The following SLC4A8 variants were observed in gnomAD, a reference collection of about 807,000 sequenced individuals.
SLC4A8 encodes electroneutral sodium bicarbonate exchanger 1.
SLC4A8 carries 40 observed loss-of-function variants against 125.0 expected under a neutral mutation model. The ratio of observed to expected loss-of-function variants is 0.32; its 90% CI spans 0.25 to 0.42. SLC4A8 has a LOEUF of 0.42. SLC4A8 is among the 10% of genes least tolerant of loss of function. The pLI is 1.00. For missense variants in SLC4A8, 863 were observed against 1,355.1 expected (o/e 0.64, Z 5.70); for synonymous variants, 456 against 476.0 (o/e 0.96, Z 0.55).
chr12:51,507,259 C>T (rs563346559), intron 24 of SLC4A8, among the ~76,000 whole-genome samples, 167 bp from the exon 25 acceptor site: 25 of 152,136 alleles, frequency 1.6e-4, no homozygotes, highest in Non-Finnish European at 3.4e-4. Context: ...AGGCAGCTGT[C>T]GAAATGTATA....
At chr12:51,470,932 C>T (rs921277588) in intron 13 of SLC4A8, among the ~76,000 whole-genome samples, 2 of 150,994 alleles carry the variant, frequency 1.3e-5, no homozygotes, top group African/African-American at 4.9e-5. Flanking sequence ...CCCTAATTTT[C>T]CTATACAATC....
At chr12:51,432,999 C>A (rs1451591247) in intron 1 of SLC4A8, among the ~76,000 whole-genome samples, 1 of 152,148 alleles carries the variant, frequency 6.6e-6, no homozygotes, top group Non-Finnish European at 1.5e-5. Context: ...CAGAGAGGAG[C>A]CTCAGGGGAA....
At chr12:51,486,361 G>C (rs78642141) in intron 17 of SLC4A8, among the ~76,000 whole-genome samples, 12 of 152,268 alleles carry the variant, frequency 7.9e-5, no homozygotes, top group African/African-American at 2.9e-4. Flanking sequence ...TTCCTTGAAG[G>C]GGGAGAATGG....
Position 51,453,347 on chromosome 12 carries a change from A to G in SLC4A8, c.414-192A>G, listed in dbSNP as rs1039151343. On this transcript the variant is annotated intron_variant, in intron 4 of 24. Coordinates refer to ENST00000453097, the MANE Select transcript of SLC4A8 (RefSeq NM_001039960.3). Reference sequence around the variant, plus strand: ...TTTCTTTAAATAAGAATGGAATTAAACTATACTCAATCTTGCAGTGTTCTA... The same window carrying G: ...TTTCTTTAAATAAGAATGGAATTAAGCTATACTCAATCTTGCAGTGTTCTA... 4.6e-5 allele frequency among the ~76,000 whole-genome samples: 7 copies of G among 152,232 alleles called. No individual in the cohort carries two copies. In the South Asian group the frequency reaches 1.0e-3, roughly 22 times the overall value.
intron 2 of SLC4A8, among the ~76,000 whole-genome samples, chr12:51,447,505 G>A (rs1949810703): frequency 6.6e-6 from 1 of 152,090 alleles, no homozygotes; most frequent in Non-Finnish European, 1.5e-5. Flanking sequence ...CCAAGCCAGT[G>A]TCCAGAAAGC....
intron 22 of SLC4A8, among the ~76,000 whole-genome samples, chr12:51,502,570 G>A (rs1460297653): frequency 2.0e-5 from 3 of 150,826 alleles, no homozygotes; most frequent in Admixed American, 6.6e-5. Context: ...TCGCTCTGTC[G>A]CCCAGGCTGG....
intron 3 of SLC4A8, among the ~76,000 whole-genome samples, chr12:51,451,873 C>T (rs1332750370): frequency 6.6e-6 from 1 of 151,800 alleles, no homozygotes; most frequent in Non-Finnish European, 1.5e-5. Context: ...GAGAATTAGC[C>T]AATCTTTTTG....
Position 51,450,913 on chromosome 12 carries a change from T to C in SLC4A8, c.168T>C (p.Leu56=). ...RTLYVGVRMP[L]GRQSHRHHRT... ...TGTATGTGGGAGTTCGGATGCCGCTTGGCCGGCAGAGCCATCGGCATCACC... is the reference window on the plus strand; with the variant it reads ...TGTATGTGGGAGTTCGGATGCCGCTCGGCCGGCAGAGCCATCGGCATCACC... The change falls in exon 3 of 25, where the codon CTT becomes CTC. Residue 56 remains leucine (L), a synonymous_variant. Transcript: ENST00000453097. The C allele has an allele frequency of 6.2e-7, 1 of 1,612,670 alleles. No individual in the cohort carries two copies. The highest frequency in any genetic ancestry group is 2.2e-5 in the East Asian group (1 of 44,868).
intron 7 of SLC4A8, among the ~76,000 whole-genome samples, chr12:51,458,977 G>A (rs6580836): frequency 0.54 from 81,987 of 152,002 alleles, 22,251 homozygotes; most frequent in African/African-American, 0.58. Flanking sequence ...CTCACCCCCA[G>A]GGGTTTTGCC....
At chr12:51,487,893 C>T (rs1219545980) in intron 17 of SLC4A8, among the ~76,000 whole-genome samples, 1 of 152,256 alleles carries the variant, frequency 6.6e-6, no homozygotes, top group Non-Finnish European at 1.5e-5. Flanking sequence ...GCTGTAGACA[C>T]ACATTATGTG....
At chr12:51,473,019 G>T (rs917198755) in intron 14 of SLC4A8, among the ~76,000 whole-genome samples, 20 of 152,098 alleles carry the variant, frequency 1.3e-4, no homozygotes, top group African/African-American at 4.6e-4. Flanking sequence ...GGAGTGGTAA[G>T]TTTGTTACAA....
chr12:51,439,397 G>T (rs1047637202), intron 1 of SLC4A8, among the ~76,000 whole-genome samples: 1 of 152,050 alleles, frequency 6.6e-6, no homozygotes, highest in African/African-American at 2.4e-5. Context: ...TGCTATGAGG[G>T]TATATAAATG....
chr12:51,504,839 A>G (rs1217138726), intron 23 of SLC4A8, among the ~76,000 whole-genome samples: 1 of 152,154 alleles, frequency 6.6e-6, no homozygotes, highest in Non-Finnish European at 1.5e-5. Context: ...ACAGGAAGCT[A>G]AATTGGTCCA....
chr12:51,505,918 C>A lies in SLC4A8; in HGVS notation c.3257C>A (p.Ala1086Glu). The A allele has an allele frequency of 6.5e-7, 1 of 1,529,700 alleles. No homozygotes were observed. Among genetic ancestry groups the A allele is most frequent in the Non-Finnish European group, 9.0e-7 (1 of 1,107,266 alleles). 94.8% of individuals were successfully genotyped at this position (1,529,700 alleles called of 1,614,324 possible). A position where few individuals can be genotyped will look rare whatever the true frequency, so the allele number is the denominator to read the frequency against. ...WKALSMNSGN[A>E]KEKSLFN Reference sequence around the variant, plus strand: ...GCTCTCAGTATGAATTCTGGAAATGCAAAGGAAAAGAGGTAAAGAGAACTG... The same window carrying A: ...GCTCTCAGTATGAATTCTGGAAATGAAAAGGAAAAGAGGTAAAGAGAACTG... Residue 1086 changes from alanine (A) to glutamate (E), a missense_variant, in exon 24 of 25, where the codon GCA (alanine) becomes GAA (glutamate). Ala to Glu is a moderately radical substitution (Grantham distance 107, BLOSUM62 -1). Around this residue, in one of 6 missense-constraint regions of SLC4A8, gnomAD observed 92 missense variants for 125.6 expected, o/e 0.73. Transcript: ENST00000453097.
rs141611678 is a variant in SLC4A8, at chr12:51,472,977, C to T, written c.1905-1365C>T. Among the ~76,000 whole-genome samples, 499 of 152,246 alleles carry T rather than the reference C, an allele frequency of 3.3e-3. 3 individuals carry two copies. The highest frequency in any genetic ancestry group is 0.017 in the South Asian group (80 of 4,818). ...CATATACCCCCTACCCCAGCACACA[C>T]ACAGTCTCCCCCAATATCAATATCC... On this transcript the variant is annotated intron_variant, in intron 14 of 24. Transcript: ENST00000453097.
chr12:51,442,538 A>G (rs1209531984), intron 2 of SLC4A8, among the ~76,000 whole-genome samples: 2 of 152,208 alleles, frequency 1.3e-5, no homozygotes, highest in Non-Finnish European at 2.9e-5. Flanking sequence ...TCTCCAGATG[A>G]CATCATCTGT....
intron 7 of SLC4A8, 86 bp from the exon 8 acceptor site, chr12:51,459,865 T>C: frequency 8.2e-7 from 1 of 1,217,260 alleles, no homozygotes; most frequent in Non-Finnish European, 1.2e-6. Context: ...TGAGACTCTG[T>C]CTCAAAAAAA....
At chr12:51,450,747 G>C in intron 2 of SLC4A8, 129 bp from the exon 3 acceptor site, 3 of 976,196 alleles carry the variant, frequency 3.1e-6, no homozygotes, top group East Asian at 5.3e-5. Flanking sequence ...TTGAAGTTTT[G>C]TTGTTCCAGA....
chr12:51,501,575 A>G (rs1467773834), intron 22 of SLC4A8, among the ~76,000 whole-genome samples: 1 of 152,206 alleles, frequency 6.6e-6, no homozygotes, highest in Non-Finnish European at 1.5e-5. Flanking sequence ...ACCTGGGTTG[A>G]TTCCATTTCT....
Sources: gnomAD v4.1 joint callset for allele counts (sites outside exome capture counted in the v4.1 genomes callset) on GRCh38, gnomAD v4.1.1 for gene constraint, gnomAD v4.1.1 regional missense constraint, MANE v1.5 for transcripts, NCBI Gene and HGNC (gene_info 2026-07-23, HGNC 2026-07-21) for gene names.